The following TXNRD1 variants were observed in gnomAD, a reference collection of about 807,000 sequenced individuals.
TXNRD1 encodes thioredoxin reductase 1.
Under a neutral mutation model 80.3 loss-of-function variants are expected in TXNRD1, and 57 were observed. The ratio of observed to expected loss-of-function variants is 0.71; its 90% confidence interval spans 0.57 to 0.89. The LOEUF is 0.89. Among genes scored for constraint, TXNRD1 ranks in the 40% least tolerant of loss-of-function variants. The pLI, the probability that TXNRD1 is intolerant of heterozygous loss-of-function variation, is 0.00. For synonymous variants in TXNRD1, 291 were observed against 285.2 expected (o/e 1.02, Z -0.20); for missense variants, 730 against 803.0 (o/e 0.91, Z 1.10).
intron 1 of TXNRD1, among the ~76,000 whole-genome samples, chr12:104,249,884 C>T (rs1416568850): frequency 7.3e-6 from 1 of 136,412 alleles, no homozygotes; most frequent in Non-Finnish European, 1.5e-5. Context: ...GCAGTGAGGC[C>T]GAGATCGTGC....
chr12:104,293,117 C>G (rs555940289), intron 4 of TXNRD1, among the ~76,000 whole-genome samples: 1 of 152,212 alleles, frequency 6.6e-6, no homozygotes, highest in African/African-American at 2.4e-5. Flanking sequence ...TATAGGGAAC[C>G]TCTTTTGTAT....
At chr12:104,306,063 C>T (rs1202208517) in intron 4 of TXNRD1, among the ~76,000 whole-genome samples, 1 of 152,084 alleles carries the variant, frequency 6.6e-6, no homozygotes, top group East Asian at 1.9e-4. Context: ...GCCATCACAC[C>T]CAGCAAATAC....
intron 1 of TXNRD1, among the ~76,000 whole-genome samples, chr12:104,230,766 A>G (rs2032603939): frequency 6.6e-6 from 1 of 152,202 alleles, no homozygotes; most frequent in South Asian, 2.1e-4. Flanking sequence ...TGTGTGGGGC[A>G]GAAAAGTGGC....
Position 104,323,965 on chromosome 12 carries a change from A to G in TXNRD1, c.1216-1372A>G, listed in dbSNP as rs573804860. 5.3e-5 allele frequency among the ~76,000 whole-genome samples: 8 copies of G among 152,368 alleles called. No individual in the cohort carries two copies. In the East Asian group the frequency reaches 1.5e-3, roughly 29 times the overall value. On this transcript the variant is annotated intron_variant, in intron 10 of 16. Transcript: ENST00000525566. Reference sequence around the variant, plus strand: ...CAGCTGGGTATTAAACTCTTGCTGTATTATAAAGTGACCGAATGGAAGGAA... The same window carrying G: ...CAGCTGGGTATTAAACTCTTGCTGTGTTATAAAGTGACCGAATGGAAGGAA...
chr12:104,272,543 C>T (rs983702473), intron 3 of TXNRD1, among the ~76,000 whole-genome samples: 1 of 152,094 alleles, frequency 6.6e-6, no homozygotes, highest in Non-Finnish European at 1.5e-5. Context: ...GCCTGCAATC[C>T]CAGTACTTTG....
intron 10 of TXNRD1, among the ~76,000 whole-genome samples, chr12:104,321,996 C>CT (rs746500111): frequency 0.028 from 3,626 of 129,256 alleles, 137 homozygotes; most frequent in African/African-American, 0.093. Flanking sequence ...TTATAGTTGT[C>CT]TTTTTTTTTT....
chr12:104,253,155 T>G (rs2033165968), intron 2 of TXNRD1, among the ~76,000 whole-genome samples: 1 of 152,116 alleles, frequency 6.6e-6, no homozygotes, highest in Non-Finnish European at 1.5e-5. Context: ...CTCTCTCTGT[T>G]TCTCTCTCTC....
intron 1 of TXNRD1, among the ~76,000 whole-genome samples, chr12:104,224,279 T>G (rs2032421844): frequency 6.6e-6 from 1 of 152,244 alleles, no homozygotes; most frequent in Non-Finnish European, 1.5e-5. Context: ...AGAGATAGTT[T>G]TGCCCTTTCT....
In TXNRD1 at chr12:104,315,883, A is replaced by G. The variant is rs2035308989; in HGVS notation, c.717A>G (p.Lys239=). 1 of 1,611,034 alleles carries G rather than the reference A, an allele frequency of 6.2e-7. No homozygotes were observed. Among genetic ancestry groups the G allele is most frequent in the Non-Finnish European group, 8.5e-7 (1 of 1,178,014 alleles). The change falls in exon 7 of 17, where the codon AAA becomes AAG. Residue 239 remains lysine (K), a synonymous_variant. Coordinates refer to ENST00000525566, the MANE Select transcript of TXNRD1 (RefSeq NM_001093771.3). ...AAGACTCTCGAAATTATGGATGGAA[A>G]GTCGAGGAGACAGGTATGAGAGGGA... ...ALQDSRNYGW[K]VEETVKHDWD...
At position 104,348,652 on chromosome 12, in the gene TXNRD1, G is replaced by A. The variant is rs1023232372; in HGVS notation, c.*231G>A. 9.4e-6 allele frequency: 5 copies of A among 532,828 alleles called. No homozygotes were observed. Among genetic ancestry groups the A allele is most frequent in the East Asian group, 3.1e-5 (1 of 32,492 alleles). 33.0% of individuals were successfully genotyped at this position (532,828 alleles called of 1,614,324 possible). ...TGAAGCTGACATTTGGCAGGGCATCGAAGGGATGCATCCATGAAGTCACCA... is the reference window on the plus strand; with the variant it reads ...TGAAGCTGACATTTGGCAGGGCATCAAAGGGATGCATCCATGAAGTCACCA... On this transcript the variant is annotated 3_prime_UTR_variant, in exon 17 of 17. Transcript: ENST00000525566.
At chr12:104,328,885 A>G (rs1022577079) in intron 13 of TXNRD1, among the ~76,000 whole-genome samples, 3 of 152,098 alleles carry the variant, frequency 2.0e-5, no homozygotes, top group Non-Finnish European at 2.9e-5. Context: ...AGTATGTTTC[A>G]TGGGACTAGA....
intron 3 of TXNRD1, among the ~76,000 whole-genome samples, chr12:104,281,343 C>G (rs908927401): frequency 6.6e-6 from 1 of 151,372 alleles, no homozygotes; most frequent in East Asian, 1.9e-4. Flanking sequence ...TTTATCATCT[C>G]TAGCTTGGAC....
intron 15 of TXNRD1, among the ~76,000 whole-genome samples, chr12:104,337,938 C>A: frequency 6.7e-6 from 1 of 148,492 alleles, no homozygotes; most frequent in East Asian, 2.0e-4. Context: ...AGATGTGAGC[C>A]ACTGTGCCCA....
chr12:104,229,653 C>T (rs1190936579), intron 1 of TXNRD1, among the ~76,000 whole-genome samples: 4 of 149,808 alleles, frequency 2.7e-5, no homozygotes, highest in South Asian at 2.1e-4. Context: ...AGTGCAATGG[C>T]GAGATCTCAG....
Position 104,287,407 on chromosome 12 carries a change from G to T in TXNRD1, c.305-1524G>T, listed in dbSNP as rs776291907. Reference sequence around the variant, plus strand: ...CTTCCTCTTGGTCTTTGTAGAGACAGTTTGCAGAACAGCGGAGAAAATGGG... The same window carrying T: ...CTTCCTCTTGGTCTTTGTAGAGACATTTTGCAGAACAGCGGAGAAAATGGG... On this transcript the variant is annotated intron_variant, in intron 3 of 16. Transcript: ENST00000525566. 4.3e-6 allele frequency: 7 copies of T among 1,613,988 alleles called. No homozygotes were observed. In the East Asian group the frequency reaches 1.6e-4, roughly 36 times the overall value.
chr12:104,342,832 C>T (rs1463561289), intron 16 of TXNRD1, among the ~76,000 whole-genome samples: 5 of 152,028 alleles, frequency 3.3e-5, no homozygotes, highest in African/African-American at 4.8e-5. Context: ...CCAGCTGCAC[C>T]GTGGAAGCGG....
chr12:104,233,814 A>G (rs905885829), intron 1 of TXNRD1, among the ~76,000 whole-genome samples: 3 of 152,142 alleles, frequency 2.0e-5, no homozygotes, highest in Admixed American at 1.3e-4. Flanking sequence ...GAGCCACCGC[A>G]CCTGGCCCCC....
Position 104,311,304 on chromosome 12 carries a change from C to T in TXNRD1, c.429C>T (p.Gly143=). ...TTTTTCTTTAGGCTTATCAGGAGGGCAGACTTCAAAAGCTACTAAAAATGA... is the reference window on the plus strand; with the variant it reads ...TTTTTCTTTAGGCTTATCAGGAGGGTAGACTTCAAAAGCTACTAAAAATGA... The part of the protein sequence containing the change: ...HGPTLKAYQE[G]RLQKLLKMNG... The change falls in exon 5 of 17, where the codon GGC becomes GGT. Residue 143 remains glycine, a synonymous_variant. Transcript: ENST00000525566. 1 of 1,601,834 alleles carries T rather than the reference C, an allele frequency of 6.2e-7. No individual in the cohort carries two copies. Among genetic ancestry groups the T allele is most frequent in the Admixed American group, 1.7e-5 (1 of 57,688 alleles).
intron 1 of TXNRD1, among the ~76,000 whole-genome samples, chr12:104,241,432 CAA>C: frequency 6.6e-6 from 1 of 151,832 alleles, no homozygotes; most frequent in African/African-American, 2.4e-5. Flanking sequence ...AGAGCAATGG[CAA>C]ATCTCGGCTC....
Sources: allele counts gnomAD v4.1 joint callset (sites outside exome capture counted in the v4.1 genomes callset), GRCh38; gene constraint gnomAD v4.1.1; transcripts MANE v1.5; gene names NCBI Gene and HGNC (gene_info 2026-07-23, HGNC 2026-07-21).